Variants in REEP3 observed in about 807,000 individuals in gnomAD.
The protein encoded by REEP3 is receptor accessory protein 3.
Under a neutral mutation model 41.3 loss-of-function variants are expected in REEP3, and 20 were observed. The ratio of observed to expected loss-of-function variants is 0.48; its 90% CI spans 0.34 to 0.70. The LOEUF is 0.70. Ranked by LOEUF, REEP3 falls within the 30% of genes least tolerant of loss-of-function variation. The probability of loss-of-function intolerance (pLI) is 0.01; values close to 1 mark genes in which losing one functional copy is unlikely to be tolerated. For missense variants in REEP3, 271 were observed against 308.8 expected (o/e 0.88, Z 0.92); for synonymous variants, 104 against 101.8 (o/e 1.02, Z -0.13).
chr10:63,584,051 T>C (rs902870110), intron 2 of REEP3, among the ~76,000 whole-genome samples: 1 of 152,176 alleles, frequency 6.6e-6, no homozygotes, highest in African/African-American at 2.4e-5. Context: ...AGGGTTGAGA[T>C]ATATAAGGCT....
chr10:63,552,767 G>A (rs553371142), intron 1 of REEP3, among the ~76,000 whole-genome samples: 2 of 152,212 alleles, frequency 1.3e-5, no homozygotes, highest in Non-Finnish European at 2.9e-5. Context: ...TTTGAGTGAC[G>A]TTTCATTAGA....
chr10:63,532,860 G>A (rs1423781477), intron 1 of REEP3, among the ~76,000 whole-genome samples: 1 of 152,024 alleles, frequency 6.6e-6, no homozygotes, highest in Admixed American at 6.6e-5. Flanking sequence ...AGCTAGGATC[G>A]TGCCACTGTA....
intron 1 of REEP3, among the ~76,000 whole-genome samples, chr10:63,544,763 A>G (rs1350937065): frequency 6.6e-6 from 1 of 152,178 alleles, no homozygotes; most frequent in East Asian, 1.9e-4. Flanking sequence ...TATTACATAT[A>G]TTTTCTAGTA....
At chr10:63,546,236 G>A (rs531590302) in intron 1 of REEP3, among the ~76,000 whole-genome samples, 40 of 152,276 alleles carry the variant, frequency 2.6e-4, no homozygotes, top group African/African-American at 8.7e-4. Flanking sequence ...AGCCTGTATC[G>A]AAGCAAAGAT....
In REEP3 at chr10:63,537,867, A is replaced by G. The variant is rs146497102; in HGVS notation, c.32+16290A>G. Among the ~76,000 whole-genome samples the G allele has an allele frequency of 3.3e-5, 5 of 152,278 alleles. No homozygotes were observed. In the East Asian group the frequency reaches 9.7e-4, roughly 29 times the overall value. ...TTTTTCTCAAAGCTGGTATGAATCC[A>G]AAGAAGAATGTCCAATTTCTTATTT... is the stretch of plus-strand genomic sequence containing the variant. On this transcript the variant is annotated intron_variant, in intron 1 of 7. Transcript: ENST00000373758.
rs143775576 is a variant in REEP3 at position 63,548,812 on chromosome 10, G to A, written c.33-17526G>A. 2.0e-5 allele frequency among the ~76,000 whole-genome samples: 3 copies of A among 152,102 alleles called. No individual in the cohort carries two copies. The East Asian group carries it at 5.8e-4, about 29-fold the overall frequency. ...GAAGCCATTCAGACCACGAGTTTTT[G>A]TATAAACAAAATGATAATCAAATAC... On this transcript the variant is annotated intron_variant, in intron 1 of 7. Transcript: ENST00000373758.
intron 1 of REEP3, among the ~76,000 whole-genome samples, chr10:63,534,859 T>C (rs1955459525): frequency 6.6e-6 from 1 of 152,196 alleles, no homozygotes; most frequent in Non-Finnish European, 1.5e-5. Context: ...TGACACTGCC[T>C]AGACACACTT....
At chr10:63,543,456 C>T (rs1955549383) in intron 1 of REEP3, among the ~76,000 whole-genome samples, 1 of 89,070 alleles carries the variant, frequency 1.1e-5, no homozygotes, top group African/African-American at 4.5e-5. Flanking sequence ...CCACCATGCC[C>T]CATTAAGTTT....
chr10:63,564,068 T>C (rs1955772633), intron 1 of REEP3, among the ~76,000 whole-genome samples: 1 of 152,128 alleles, frequency 6.6e-6, no homozygotes, highest in Non-Finnish European at 1.5e-5. Context: ...CTAAATAAAG[T>C]ATAAAGTTTA....
At chr10:63,605,323 G>T (rs1956214079) in intron 5 of REEP3, among the ~76,000 whole-genome samples, 1 of 152,120 alleles carries the variant, frequency 6.6e-6, no homozygotes, top group African/African-American at 2.4e-5. Context: ...ATTCCATTCT[G>T]GGCTTGATCA....
intron 1 of REEP3, among the ~76,000 whole-genome samples, chr10:63,528,991 A>G (rs1488650129): frequency 2.6e-5 from 4 of 152,236 alleles, no homozygotes; most frequent in Non-Finnish European, 4.4e-5. Context: ...TCTTTTCTCT[A>G]ATATGTTCAT....
intron 5 of REEP3, among the ~76,000 whole-genome samples, chr10:63,604,854 T>G (rs1956209020): frequency 6.6e-6 from 1 of 152,188 alleles, no homozygotes; most frequent in Non-Finnish European, 1.5e-5. Context: ...AGCATTAATT[T>G]TTCTCACTTG....
chr10:63,590,597 C>A (rs546453464), intron 2 of REEP3, among the ~76,000 whole-genome samples: 28 of 152,040 alleles, frequency 1.8e-4, no homozygotes, highest in African/African-American at 6.8e-4. Flanking sequence ...TCAGGCAATT[C>A]CTATGTTATG....
intron 1 of REEP3, among the ~76,000 whole-genome samples, chr10:63,537,038 T>C (rs1285681590): frequency 6.6e-6 from 1 of 152,204 alleles, no homozygotes; most frequent in Non-Finnish European, 1.5e-5. Context: ...GGCATATGCA[T>C]CAAAAGACAT....
intron 5 of REEP3, among the ~76,000 whole-genome samples, chr10:63,609,178 C>T (rs1362133191): frequency 1.3e-5 from 2 of 151,940 alleles, no homozygotes; most frequent in African/African-American, 4.8e-5. Flanking sequence ...CTTGGCCGGG[C>T]ACGGTGGCTC....
intron 2 of REEP3, among the ~76,000 whole-genome samples, chr10:63,592,669 T>C (rs1589880183): frequency 6.8e-6 from 1 of 147,050 alleles, no homozygotes; most frequent in South Asian, 2.2e-4. Context: ...GGCAGGCAGA[T>C]TGTCTGAGGT....
At chr10:63,549,364 T>C (rs1361829478) in intron 1 of REEP3, among the ~76,000 whole-genome samples, 2 of 152,190 alleles carry the variant, frequency 1.3e-5, no homozygotes, top group African/African-American at 4.8e-5. Flanking sequence ...GCCCAGGAGT[T>C]GGAGACCAGC....
chr10:63,618,709 CA>C (rs962388829), intron 6 of REEP3, among the ~76,000 whole-genome samples: 4 of 152,232 alleles, frequency 2.6e-5, no homozygotes, highest in African/African-American at 7.2e-5. Flanking sequence ...GGGAACTTGT[CA>C]GAAATGCAGA....
chr10:63,607,623 GA>G (rs1956240769), intron 5 of REEP3, among the ~76,000 whole-genome samples: 1 of 152,142 alleles, frequency 6.6e-6, no homozygotes. Flanking sequence ...TAATGAAAAA[GA>G]AGGGACATAA....
Sources: allele counts gnomAD v4.1 joint callset (sites outside exome capture counted in the v4.1 genomes callset), GRCh38; gene constraint gnomAD v4.1.1; transcripts MANE v1.5; gene names NCBI Gene and HGNC (gene_info 2026-07-23, HGNC 2026-07-21).